VEZT: variants seen among roughly 807,000 people sequenced by gnomAD.
The protein encoded by VEZT is vezatin, adherens junctions transmembrane protein.
In VEZT, 39 loss-of-function variants were observed where a neutral mutation model predicts 79.9. The ratio of observed to expected loss-of-function variants is 0.49; its 90% CI spans 0.38 to 0.64. The LOEUF is 0.64. VEZT is among the 30% of genes least tolerant of loss of function. VEZT has a pLI of 0.00. For synonymous variants in VEZT, 325 were observed against 327.6 expected, an observed-to-expected ratio of 0.99 and a Z score of 0.09; for missense variants, 837 against 893.1, an observed-to-expected ratio of 0.94 and a Z score of 0.80.
intron 1 of VEZT, among the ~76,000 whole-genome samples, chr12:95,220,928 G>A (rs150218005): frequency 7.9e-5 from 12 of 152,258 alleles, no homozygotes; most frequent in Middle Eastern, 3.4e-3. Flanking sequence ...ATTCCAAAGT[G>A]GTTGTACCAG....
At chr12:95,286,554 C>G in intron 8 of VEZT, 1 of 501,212 alleles carries the variant, frequency 2.0e-6, no homozygotes. Flanking sequence ...TCATCAGATT[C>G]ACTGCCAGAT....
intron 1 of VEZT, among the ~76,000 whole-genome samples, chr12:95,232,525 C>T (rs1411201323): frequency 6.6e-6 from 1 of 152,194 alleles, no homozygotes; most frequent in Admixed American, 6.5e-5. Context: ...AATTACTTCT[C>T]AAACATTACA....
At chr12:95,244,109 A>G in intron 1 of VEZT, 2 of 399,024 alleles carry the variant, frequency 5.0e-6, no homozygotes, top group South Asian at 3.9e-5. Context: ...TTTCAAGATA[A>G]CTCTGGCCAG....
At chr12:95,297,931 C>A (rs2074503689) in intron 11 of VEZT, among the ~76,000 whole-genome samples, 1 of 152,002 alleles carries the variant, frequency 6.6e-6, no homozygotes, top group South Asian at 2.1e-4. Flanking sequence ...ACCAGCCTGG[C>A]CAACATGGCG....
chr12:95,239,945 CGAAAGAGAGAGAGAGAGA>C (rs1392825513), intron 1 of VEZT, among the ~76,000 whole-genome samples: 13 of 73,252 alleles, frequency 1.8e-4, no homozygotes, highest in African/African-American at 8.4e-4. Flanking sequence ...GAGGGAGACT[CGAAAGAGAGAGAGAGAGA>C]GAGAGAGAGA....
chr12:95,289,033 C>T (rs188936523), intron 9 of VEZT, among the ~76,000 whole-genome samples: 2 of 150,686 alleles, frequency 1.3e-5, no homozygotes, highest in African/African-American at 2.4e-5. Flanking sequence ...GAGCTATGAT[C>T]GTGCCACTGC....
At chr12:95,231,667 A>G (rs2059292909) in intron 1 of VEZT, 1 of 152,162 alleles carries the variant, frequency 6.6e-6, no homozygotes, top group African/African-American at 2.4e-5. Context: ...GGGCTTTGGT[A>G]TATTAATTTA....
rs2069330458 is a variant in VEZT at position 95,282,189 on chromosome 12, A to G, written c.997-124A>G. 3 of 828,416 alleles carry G rather than the reference A, an allele frequency of 3.6e-6. No individual in the cohort carries two copies. The South Asian group carries it at 5.7e-5, about 16-fold the overall frequency. 51.3% of individuals were successfully genotyped at this position (828,416 alleles called of 1,614,324 possible). A position where few individuals can be genotyped will look rare whatever the true frequency, so the allele number is the denominator to read the frequency against. On this transcript the variant is annotated intron_variant, in intron 7 of 11. Transcript: ENST00000436874. ...ATCTTAAGGTAGTTTAAGTTCGGCT[A>G]TATTTATTATTTAGGATAAAGTGCA...
intron 11 of VEZT, among the ~76,000 whole-genome samples, chr12:95,297,803 A>G (rs904844641): frequency 1.3e-5 from 2 of 152,120 alleles, no homozygotes; most frequent in African/African-American, 4.8e-5. Flanking sequence ...CAGTTCACAA[A>G]TGTGTTATTT....
At chr12:95,239,199 G>A (rs976743983) in intron 1 of VEZT, among the ~76,000 whole-genome samples, 9 of 152,120 alleles carry the variant, frequency 5.9e-5, no homozygotes, top group African/African-American at 2.2e-4. Context: ...TAAATTTTTA[G>A]TATAAAAGTA....
chr12:95,229,764 A>C (rs1292168674), intron 1 of VEZT, among the ~76,000 whole-genome samples: 1 of 152,150 alleles, frequency 6.6e-6, no homozygotes, highest in Non-Finnish European at 1.5e-5. Context: ...CCCAAAGCTC[A>C]GTGTACTCGA....
chr12:95,268,423 G>A (rs1305468634), intron 5 of VEZT, among the ~76,000 whole-genome samples: 1 of 152,086 alleles, frequency 6.6e-6, no homozygotes, highest in East Asian at 1.9e-4. Flanking sequence ...GCATGAACCC[G>A]GGAGGCAGAG....
intron 7 of VEZT, chr12:95,275,952 A>G (rs2067618399): frequency 6.6e-6 from 1 of 152,188 alleles, no homozygotes; most frequent in South Asian, 2.1e-4. Flanking sequence ...AAAGAACACA[A>G]ATAAAAATAA....
In VEZT at chr12:95,266,438, G is replaced by A; in HGVS notation, c.516G>A (p.Trp172Ter). 6.2e-7 allele frequency: 1 copy of A among 1,613,876 alleles called. No homozygotes were observed. The highest frequency in any genetic ancestry group is 8.5e-7 in the Non-Finnish European group (1 of 1,179,870). ...GGATTGTGTCTTCCTGGCTGGTATG[G>A]GGAGTGATTCTATTTGTGTATCTGG... ...TWWIVSSWLV[W>*]GVILFVYLVI... Residue 172 changes from tryptophan (W) to a stop codon, truncating the protein, a stop_gained, in exon 5 of 12, where the codon TGG (tryptophan) becomes TGA (stop). Transcript: ENST00000436874. LOFTEE classifies it high-confidence loss of function.
At chr12:95,280,460 TCA>T in intron 7 of VEZT, among the ~76,000 whole-genome samples, 1 of 126,164 alleles carries the variant, frequency 7.9e-6, no homozygotes. Flanking sequence ...TCCCCCCCTT[TCA>T]TATGTGTACA....
intron 1 of VEZT, among the ~76,000 whole-genome samples, chr12:95,240,038 A>AG: frequency 9.3e-6 from 1 of 107,960 alleles, no homozygotes; most frequent in Non-Finnish European, 2.1e-5. Flanking sequence ...GGAAGGAAGG[A>AG]AGGAAGGAAG....
At chr12:95,232,493 G>C (rs186101503) in intron 1 of VEZT, among the ~76,000 whole-genome samples, 5 of 152,324 alleles carry the variant, frequency 3.3e-5, no homozygotes, top group Non-Finnish European at 5.9e-5. Context: ...GATTCATATA[G>C]GTGGGAAGTC....
chr12:95,265,713 AGT>A (rs1280387673), intron 4 of VEZT, among the ~76,000 whole-genome samples: 3 of 152,114 alleles, frequency 2.0e-5, no homozygotes, highest in African/African-American at 7.2e-5. Context: ...TAAAATTAGA[AGT>A]AACTATTTCA....
intron 9 of VEZT, among the ~76,000 whole-genome samples, chr12:95,291,887 G>C (rs1025068335): frequency 6.6e-6 from 1 of 152,060 alleles, no homozygotes; most frequent in Non-Finnish European, 1.5e-5. Flanking sequence ...CAAGCTGTGC[G>C]TCCCAGGTTC....
Sources: allele counts gnomAD v4.1 joint callset (sites outside exome capture counted in the v4.1 genomes callset), GRCh38; gene constraint gnomAD v4.1.1; transcripts MANE v1.5; gene names NCBI Gene and HGNC (gene_info 2026-07-23, HGNC 2026-07-21).